The following RNF130 variants were observed in gnomAD, a reference collection of about 807,000 sequenced individuals.
The protein encoded by RNF130 is ring finger protein 130.
In RNF130, 21 loss-of-function variants were observed where a neutral mutation model predicts 44.6. That is an observed-to-expected ratio of 0.47 (90% CI 0.33 to 0.68). RNF130 has a LOEUF of 0.68. Among genes scored for constraint, RNF130 ranks in the 30% least tolerant of loss-of-function variants. The pLI is 0.02. For missense variants in RNF130, 479 were observed against 560.6 expected (o/e 0.85, Z 1.47); for synonymous variants, 214 against 210.4 (o/e 1.02, Z -0.15).
At chr5:179,982,798 G>A (rs1434034883) in intron 3 of RNF130, among the ~76,000 whole-genome samples, 1 of 152,132 alleles carries the variant, frequency 6.6e-6, no homozygotes. Context: ...TGCCCAGGCT[G>A]GTCCGAAACT....
At chr5:179,964,738 G>A (rs1010762915) in intron 7 of RNF130, among the ~76,000 whole-genome samples, 3 of 152,140 alleles carry the variant, frequency 2.0e-5, no homozygotes, top group Non-Finnish European at 2.9e-5. Flanking sequence ...GGGGACTTCC[G>A]GTCCAGAGAG....
At chr5:179,994,646 T>C (rs1393383247) in intron 3 of RNF130, among the ~76,000 whole-genome samples, 1 of 152,126 alleles carries the variant, frequency 6.6e-6, no homozygotes, top group African/African-American at 2.4e-5. Flanking sequence ...CTGGTTACAG[T>C]AGTGGTGTAT....
At chr5:180,064,330 A>T (rs1765049659) in intron 1 of RNF130, among the ~76,000 whole-genome samples, 1 of 152,208 alleles carries the variant, frequency 6.6e-6, no homozygotes, top group South Asian at 2.1e-4. Flanking sequence ...AAGGGAAAAG[A>T]GTGGGAATCT....
At chr5:179,995,255 G>C (rs538252975) in intron 3 of RNF130, among the ~76,000 whole-genome samples, 3 of 152,066 alleles carry the variant, frequency 2.0e-5, no homozygotes, top group African/African-American at 7.2e-5. Flanking sequence ...CCAACCACAG[G>C]AATCAGACAG....
exon 8 of RNF130, chr5:179,914,125 G>T (rs1222897396): frequency 6.6e-6 from 1 of 152,238 alleles, no homozygotes; most frequent in African/African-American, 2.4e-5. Context: ...CTGAAAGGAG[G>T]GTGTGTCGAA....
chr5:179,952,492 T>G (rs1004595314), downstream of RNF130, among the ~76,000 whole-genome samples: 4 of 152,334 alleles, frequency 2.6e-5, no homozygotes, highest in Admixed American at 1.3e-4. Flanking sequence ...ACTTCATAAT[T>G]GTTTATATGA....
chr5:180,030,199 T>C (rs1175244969), intron 2 of RNF130, among the ~76,000 whole-genome samples: 1 of 152,132 alleles, frequency 6.6e-6, no homozygotes, highest in Admixed American at 6.5e-5. Context: ...ATTTCTATCT[T>C]GAATACTCAA....
intron 2 of RNF130, among the ~76,000 whole-genome samples, chr5:180,021,520 A>G (rs927554244): frequency 2.0e-5 from 3 of 152,160 alleles, no homozygotes; most frequent in Middle Eastern, 3.2e-3. Flanking sequence ...ATTCTTCAAC[A>G]TAACAATTCT....
intron 1 of RNF130, among the ~76,000 whole-genome samples, chr5:180,047,809 G>A (rs982906009): frequency 2.6e-5 from 4 of 152,070 alleles, no homozygotes; most frequent in African/African-American, 7.2e-5. Context: ...CCAGCCAAGC[G>A]CTCTCCTCTC....
At chr5:180,051,335 T>C (rs893453531) in intron 1 of RNF130, among the ~76,000 whole-genome samples, 1 of 151,844 alleles carries the variant, frequency 6.6e-6, no homozygotes, top group Non-Finnish European at 1.5e-5. Flanking sequence ...CTGCAAGCTC[T>C]GCCTCCCGGG....
chr5:180,004,671 C>A (rs779248861), intron 3 of RNF130, among the ~76,000 whole-genome samples: 1 of 152,210 alleles, frequency 6.6e-6, no homozygotes, highest in Non-Finnish European at 1.5e-5. Flanking sequence ...ACAATTCTTA[C>A]GGCTTAATCT....
At chr5:180,018,982 C>CT (rs1763807097) in intron 2 of RNF130, among the ~76,000 whole-genome samples, 1 of 152,190 alleles carries the variant, frequency 6.6e-6, no homozygotes, top group South Asian at 2.1e-4. Flanking sequence ...AGAGAGGTGG[C>CT]TTTACCATAA....
chr5:180,062,006 G>A (rs189936546), intron 1 of RNF130, among the ~76,000 whole-genome samples: 1 of 151,482 alleles, frequency 6.6e-6, no homozygotes, highest in Admixed American at 6.6e-5. Context: ...ACTTCTTTGT[G>A]TCCTCACATG....
At chr5:179,948,961 A>ATTT (rs554440602) in intron 7 of RNF130, among the ~76,000 whole-genome samples, 34 of 128,576 alleles carry the variant, frequency 2.6e-4, no homozygotes, top group African/African-American at 5.5e-4. Context: ...CCTTGGAATA[A>ATTT]TTTTTTTTTT....
At chr5:180,026,537 C>T (rs1763994683) in intron 2 of RNF130, among the ~76,000 whole-genome samples, 1 of 152,184 alleles carries the variant, frequency 6.6e-6, no homozygotes, top group East Asian at 1.9e-4. Flanking sequence ...CCTTTCCTGT[C>T]AATGACGTCA....
exon 8 of RNF130, chr5:179,914,031 G>A (rs929536341): frequency 1.2e-4 from 19 of 152,266 alleles, no homozygotes; most frequent in Admixed American, 7.2e-4. Flanking sequence ...AACACACAGG[G>A]CTTCTCCCAG....
intron 3 of RNF130, among the ~76,000 whole-genome samples, chr5:179,986,303 C>A (rs576357033): frequency 4.1e-4 from 62 of 152,332 alleles, no homozygotes; most frequent in Admixed American, 8.5e-4. Flanking sequence ...GCAGCACCTG[C>A]AGCTGAAGAC....
chr5:180,056,266 A>G (rs990871157), intron 1 of RNF130, among the ~76,000 whole-genome samples: 4 of 142,146 alleles, frequency 2.8e-5, no homozygotes, highest in Non-Finnish European at 6.3e-5. Flanking sequence ...AAAAAAAAAA[A>G]CCCTAATAGT....
At position 179,977,431 on chromosome 5, in the gene RNF130, TCACAAAACAA is replaced by T. The variant is rs57623727; in HGVS notation, c.848+762_848+771del. ...GGGCTGTTTTTGAAACCCACAGGAA[TCACAAAACAA>T]TGCCAAGCACAGTGACTCATGCCTG... On this transcript the variant is annotated intron_variant, in intron 5 of 8. Coordinates refer to ENST00000521389, the MANE Select transcript of RNF130 (RefSeq NM_018434.6). This position sits in a 1 kb window ranked among gnomAD's most constrained non-coding sequence, Gnocchi z 4.1. 0.16 allele frequency: 24,099 copies of T among 152,112 alleles called. 2,026 individuals are homozygous for T. The highest frequency in any genetic ancestry group is 0.19 in the Admixed American group (2,894 of 15,276). The allele number at this position is 152,112 out of a possible 1,614,324, so 9.4% of individuals were successfully genotyped here.
Sources: gnomAD v4.1 joint callset for allele counts (sites outside exome capture counted in the v4.1 genomes callset) on GRCh38, gnomAD v4.1.1 for gene constraint, Gnocchi (gnomAD v3.1) non-coding constraint, MANE v1.5 for transcripts, NCBI Gene and HGNC (gene_info 2026-07-23, HGNC 2026-07-21) for gene names.